MTCH2: variants seen among roughly 807,000 people sequenced by gnomAD.
The protein encoded by MTCH2 is mitochondrial carrier homolog 2.
MTCH2 carries 25 observed loss-of-function variants against 50.6 expected under a neutral mutation model. That is an observed-to-expected ratio of 0.49 (90% CI 0.36 to 0.69). The LOEUF is 0.69. MTCH2 is among the 30% of genes least tolerant of loss of function. The pLI is 0.00. For missense variants in MTCH2, 273 were observed against 384.4 expected (o/e 0.71, Z 2.42); for synonymous variants, 106 against 132.0 (o/e 0.80, Z 1.35).
At position 47,634,648 on chromosome 11, in the gene MTCH2, C is replaced by T. The variant is rs777373963; in HGVS notation, c.369+24G>A. The T allele has an allele frequency of 2.5e-6, 4 of 1,582,550 alleles. No homozygotes were observed. In the South Asian group the frequency reaches 4.5e-5, roughly 18 times the overall value. On this transcript the variant is annotated intron_variant, in intron 5 of 12. Coordinates refer to ENST00000302503, the MANE Select transcript of MTCH2 (RefSeq NM_014342.4). ...ACCACAGTTTGATCTGGGCAAACAGCACAGGATGTAATTCATCTCTTACCT... is the reference window on the plus strand; with the variant it reads ...ACCACAGTTTGATCTGGGCAAACAGTACAGGATGTAATTCATCTCTTACCT...
rs571919494 is a variant in MTCH2, at chr11:47,620,165, T to C, written c.826-1246A>G. Among the ~76,000 whole-genome samples, 288 of 151,816 alleles carry C rather than the reference T, an allele frequency of 1.9e-3. 1 individual carries two copies. Among genetic ancestry groups the C allele is most frequent in the Middle Eastern group, 0.014 (4 of 292 alleles). On this transcript the variant is annotated intron_variant, in intron 12 of 12. Coordinates refer to ENST00000302503, the MANE Select transcript of MTCH2 (RefSeq NM_014342.4). ...GGGGGAGGGATAGCATTAGGAGATATACCTAATGCTAAATGATGAGTTAAT... is the reference window on the plus strand; with the variant it reads ...GGGGGAGGGATAGCATTAGGAGATACACCTAATGCTAAATGATGAGTTAAT...
At chr11:47,632,217 A>G (rs2097303724) in intron 5 of MTCH2, among the ~76,000 whole-genome samples, 1 of 152,158 alleles carries the variant, frequency 6.6e-6, no homozygotes, top group Non-Finnish European at 1.5e-5. Context: ...ACTGTGCAGT[A>G]TCTTAGAGCT....
At chr11:47,639,114 G>C (rs533713734) in intron 1 of MTCH2, 63 bp from the exon 2 acceptor site, 1 of 1,414,662 alleles carries the variant, frequency 7.1e-7, no homozygotes, top group East Asian at 2.3e-5. Flanking sequence ...TTGCTTGCAA[G>C]GTCTTGAATA....
chr11:47,632,059 C>T (rs760078853), intron 5 of MTCH2, among the ~76,000 whole-genome samples: 1 of 151,958 alleles, frequency 6.6e-6, no homozygotes, highest in Non-Finnish European at 1.5e-5. Flanking sequence ...AAATATGAGG[C>T]CTTTATTGAG....
chr11:47,631,723 C>G lies in MTCH2; in HGVS notation c.370-12G>C. ...ATCTCTCGAGTTGTCTAGAAACAAT[C>G]AACACACACTTCTGAAATCTAAACA... On this transcript the variant is annotated splice_polypyrimidine_tract_variant and intron_variant, in intron 5 of 12. Coordinates refer to ENST00000302503, the MANE Select transcript of MTCH2 (RefSeq NM_014342.4). 2 of 1,613,854 alleles carry G rather than the reference C, an allele frequency of 1.2e-6. No individual in the cohort carries two copies. Among genetic ancestry groups the G allele is most frequent in the Non-Finnish European group, 1.7e-6 (2 of 1,179,866 alleles).
At chr11:47,626,698 C>T (rs2097298525) in intron 10 of MTCH2, among the ~76,000 whole-genome samples, 4 of 151,774 alleles carry the variant, frequency 2.6e-5, no homozygotes, top group Admixed American at 2.6e-4. Flanking sequence ...CTGCAGCCTC[C>T]ATCTCCCAGG....
At chr11:47,630,728 A>G (rs1399910376) in intron 7 of MTCH2, 114 bp from the exon 8 acceptor site, 1 of 963,340 alleles carries the variant, frequency 1.0e-6, no homozygotes, top group Non-Finnish European at 1.6e-6. Context: ...CTTCCCTCAC[A>G]CTTTTCTAGC....
In MTCH2 at chr11:47,618,697, G is replaced by A; in HGVS notation, c.*136C>T. The A allele has an allele frequency of 7.0e-6, 4 of 568,544 alleles. No individual in the cohort carries two copies. Among genetic ancestry groups the A allele is most frequent in the East Asian group, 3.1e-5 (1 of 32,622 alleles). 35.2% of individuals were successfully genotyped at this position (568,544 alleles called of 1,614,324 possible). On this transcript the variant is annotated 3_prime_UTR_variant, in exon 13 of 13. Transcript: ENST00000302503. ...GCTGGAAAAAAGAACAAAAAAGGCA[G>A]ACACCAAACACCTGAATTTTCCCAA... is the stretch of plus-strand genomic sequence containing the variant.
Position 47,642,538 on chromosome 11 carries a change from T to C in MTCH2, c.-73A>G. 4 of 1,381,164 alleles carry C rather than the reference T, an allele frequency of 2.9e-6. No individual in the cohort carries two copies. The highest frequency in any genetic ancestry group is 3.9e-6 in the Non-Finnish European group (4 of 1,028,664). 85.6% of individuals were successfully genotyped at this position (1,381,164 alleles called of 1,614,324 possible). ...CCCGGTGAGCCGGTCCTAGGTCACG[T>C]GCCAGGGCCGCCGGTTTCACTGGCC... On this transcript the variant is annotated 5_prime_UTR_variant, in exon 1 of 13. Transcript: ENST00000302503.
At chr11:47,631,871 G>T (rs950256399) in intron 5 of MTCH2, among the ~76,000 whole-genome samples, 160 bp from the exon 6 acceptor site, 3 of 152,128 alleles carry the variant, frequency 2.0e-5, no homozygotes, top group African/African-American at 4.8e-5. Flanking sequence ...GGATGTGAAA[G>T]ATCTCATTCA....
the MTCH2 span, among the ~76,000 whole-genome samples, chr11:47,607,755 G>C: frequency 2.6e-5 from 4 of 152,174 alleles, no homozygotes; most frequent in Admixed American, 6.6e-5. Flanking sequence ...CAGCCGAGGG[G>C]TGGGAAGACC....
At chr11:47,633,577 C>T (rs2097305687) in intron 5 of MTCH2, among the ~76,000 whole-genome samples, 1 of 123,526 alleles carries the variant, frequency 8.1e-6, no homozygotes. Flanking sequence ...ACTCCTGTGG[C>T]CCAGGCTAGA....
intron 12 of MTCH2, among the ~76,000 whole-genome samples, chr11:47,621,288 A>G (rs143465997): frequency 6.6e-6 from 1 of 152,218 alleles, no homozygotes; most frequent in Non-Finnish European, 1.5e-5. Flanking sequence ...GCTATAAAAT[A>G]ATGCAACAAA....
At chr11:47,642,315 G>C (rs1476484752) in intron 1 of MTCH2, 64 bp downstream of exon 1, 1 of 1,374,460 alleles carries the variant, frequency 7.3e-7, no homozygotes, top group South Asian at 1.3e-5. Context: ...CGATCCTCAG[G>C]CGCCCTGAGC....
chr11:47,627,150 A>C, intron 9 of MTCH2, 23 bp from the exon 10 acceptor site: 1 of 1,515,526 alleles, frequency 6.6e-7, no homozygotes, highest in East Asian at 2.3e-5. Context: ...AAGAGCCTTA[A>C]ATTAATTACC....
chr11:47,642,367 G>A lies in MTCH2; in HGVS notation c.87+12C>T, dbSNP rs781072559. On this transcript the variant is annotated intron_variant, in intron 1 of 12. Transcript: ENST00000302503. ...GGCGCCGGGCGGGGTAGGGAGCGGC[G>A]ACGCCTCATACCTGGATGAGCACTT... The A allele has an allele frequency of 2.1e-6, 3 of 1,405,756 alleles. No homozygotes were observed. Among genetic ancestry groups the A allele is most frequent in the Admixed American group, 2.5e-5 (1 of 39,310 alleles). 87.1% of individuals were successfully genotyped at this position (1,405,756 alleles called of 1,614,324 possible). A position where few individuals can be genotyped will look rare whatever the true frequency, so the allele number is the denominator to read the frequency against.
At chr11:47,607,315 C>CTGT in the MTCH2 span, among the ~76,000 whole-genome samples, 3 of 152,184 alleles carry the variant, frequency 2.0e-5, no homozygotes, top group African/African-American at 7.2e-5. Flanking sequence ...TCTGGGTGAA[C>CTGT]TGTTGTTTTT....
downstream of MTCH2, among the ~76,000 whole-genome samples, chr11:47,614,476 CTTTTTTT>C (rs1226073330): frequency 6.6e-6 from 1 of 151,406 alleles, no homozygotes; most frequent in South Asian, 2.1e-4. Context: ...TTTCTTTTTT[CTTTTTTT>C]TTGAGACGGA....
intron 11 of MTCH2, 98 bp downstream of exon 11, chr11:47,625,576 G>C (rs1033391815): frequency 1.2e-6 from 1 of 820,454 alleles, no homozygotes; most frequent in Non-Finnish European, 1.9e-6. Context: ...ATCAGAGATT[G>C]ATACTGATCA....
Sources: gnomAD v4.1 joint callset for allele counts (sites outside exome capture counted in the v4.1 genomes callset) on GRCh38, gnomAD v4.1.1 for gene constraint, MANE v1.5 for transcripts, NCBI Gene and HGNC (gene_info 2026-07-23, HGNC 2026-07-21) for gene names.